UBAP2: variants seen among roughly 807,000 people sequenced by gnomAD.
The protein encoded by UBAP2 is ubiquitin-associated protein 2.
In UBAP2, 75 loss-of-function variants were observed where a neutral mutation model predicts 139.6. The ratio of observed to expected loss-of-function variants is 0.54; its 90% confidence interval spans 0.45 to 0.65. The LOEUF (loss-of-function observed/expected upper bound fraction) is 0.65, where lower values mean the gene tolerates loss of function less well. Among genes scored for constraint, UBAP2 ranks in the 30% least tolerant of loss-of-function variants. The pLI, the probability that UBAP2 is intolerant of heterozygous loss-of-function variation, is 0.00. For synonymous variants in UBAP2, 526 were observed against 526.2 expected, an observed-to-expected ratio of 1.00 and a Z score of 0.01; for missense variants, 1,368 against 1,369.6, an observed-to-expected ratio of 1.00 and a Z score of 0.02.
At chr9:34,025,522 G>A (rs1018354018) in intron 1 of UBAP2, among the ~76,000 whole-genome samples, 2 of 152,096 alleles carry the variant, frequency 1.3e-5, no homozygotes, top group Admixed American at 6.6e-5. Context: ...TTTAACACAG[G>A]TAAAGAACTG....
intron 6 of UBAP2, among the ~76,000 whole-genome samples, chr9:33,977,034 TTTTA>T (rs1486409659): frequency 2.8e-5 from 4 of 143,236 alleles, no homozygotes; most frequent in Non-Finnish European, 4.6e-5. Flanking sequence ...AACAGTTGTT[TTTTA>T]TTTATTTTTT....
intron 1 of UBAP2, among the ~76,000 whole-genome samples, chr9:34,036,361 C>T (rs1025133526): frequency 6.6e-6 from 1 of 152,132 alleles, no homozygotes; most frequent in Non-Finnish European, 1.5e-5. Context: ...AGGTGATCTG[C>T]CCGTCTCGGC....
rs900286750 is a variant in UBAP2 at position 33,924,416 on chromosome 9, G to C, written c.2512-132C>G. The stretch of plus-strand genomic sequence containing the variant: ...ATGCCTGAGAGCCAGCAGTCCCAGG[G>C]AACGCCAAGTAAATGGTGCCCCTCG... On this transcript the variant is annotated intron_variant, in intron 22 of 28. Transcript: ENST00000379238. 9 of 858,952 alleles carry C rather than the reference G, an allele frequency of 1.0e-5. No individual in the cohort carries two copies. The African/African-American group carries it at 1.3e-4, about 13-fold the overall frequency. The allele number at this position is 858,952 out of a possible 1,614,324, so 53.2% of individuals were successfully genotyped here. A position where few individuals can be genotyped will look rare whatever the true frequency, so the allele number is the denominator to read the frequency against.
At chr9:33,923,624 T>A in intron 24 of UBAP2, 146 bp from the exon 25 acceptor site, 1 of 1,062,424 alleles carries the variant, frequency 9.4e-7, no homozygotes, top group Non-Finnish European at 1.4e-6. Flanking sequence ...ATGCTGGATC[T>A]AAACACAGCA....
chr9:34,010,616 T>C lies in UBAP2; in HGVS notation c.99+6434A>G, dbSNP rs774623225. Among the ~76,000 whole-genome samples, 113 of 152,164 alleles carry C rather than the reference T, an allele frequency of 7.4e-4. 1 individual carries two copies. Among genetic ancestry groups the C allele is most frequent in the Admixed American group, 4.4e-3 (67 of 15,260 alleles). ...TAGAGCAAAAAGGTAATAGAACATATGGATATTGACTGTACAACTCTCAAC... is the reference window on the plus strand; with the variant it reads ...TAGAGCAAAAAGGTAATAGAACATACGGATATTGACTGTACAACTCTCAAC... On this transcript the variant is annotated intron_variant, in intron 2 of 28. Coordinates refer to ENST00000379238, the MANE Select transcript of UBAP2 (RefSeq NM_001370062.2).
At chr9:33,923,150 C>A in intron 26 of UBAP2, 36 bp downstream of exon 26, 1 of 1,613,186 alleles carries the variant, frequency 6.2e-7, no homozygotes, top group South Asian at 1.1e-5. Flanking sequence ...GCCCACCACT[C>A]CAGGCCTTAT....
chr9:33,968,248 G>A (rs376599549), intron 8 of UBAP2: 4 of 622,216 alleles, frequency 6.4e-6, no homozygotes, highest in Non-Finnish European at 6.2e-6. Flanking sequence ...TAAACAGGAA[G>A]CTGGATGCAA....
intron 5 of UBAP2, 126 bp downstream of exon 5, chr9:33,988,847 A>G: frequency 1.9e-6 from 2 of 1,072,334 alleles, no homozygotes; most frequent in Admixed American, 4.9e-5. Flanking sequence ...ATGGAAACTA[A>G]GAAAAAATTT....
At chr9:33,924,030 C>A in intron 23 of UBAP2, 30 bp from the exon 24 acceptor site, 1 of 1,611,660 alleles carries the variant, frequency 6.2e-7, no homozygotes, top group Non-Finnish European at 8.5e-7. Context: ...CCAGCCACTG[C>A]CCTTCCTCCA....
Position 33,935,634 on chromosome 9 carries a change from G to A in UBAP2, c.1969+205C>T. The A allele has an allele frequency of 4.8e-6, 3 of 625,580 alleles. No individual in the cohort carries two copies. In the South Asian group the frequency reaches 5.6e-5, roughly 12 times the overall value. The allele number at this position is 625,580 out of a possible 1,614,324, so 38.8% of individuals were successfully genotyped here. A position where few individuals can be genotyped will look rare whatever the true frequency, so the allele number is the denominator to read the frequency against. ...CAGTCTGATTAGGGCAGAAGAATAT[G>A]AGACCACCACCTCCTTCTTGCTGTG... On this transcript the variant is annotated intron_variant, in intron 17 of 28. Transcript: ENST00000379238.
intron 1 of UBAP2, among the ~76,000 whole-genome samples, chr9:34,039,405 A>G (rs1826830074): frequency 6.6e-6 from 1 of 152,216 alleles, no homozygotes; most frequent in African/African-American, 2.4e-5. Context: ...GTTTTGTCGA[A>G]TAGAAAAGGG....
chr9:34,045,019 C>CA (rs1358367176), intron 1 of UBAP2, among the ~76,000 whole-genome samples: 1 of 151,792 alleles, frequency 6.6e-6, no homozygotes, highest in African/African-American at 2.4e-5. Flanking sequence ...AATTAGTTAT[C>CA]AAAAAATGGA....
Position 33,923,781 on chromosome 9 carries a change from T to A in UBAP2, c.2796+14A>T. On this transcript the variant is annotated intron_variant, in intron 24 of 28. Transcript: ENST00000379238. ...AAGGCCAGGAGACACAGTCACACCC[T>A]CTGAAATACTCACAAACATGGTGGG... The A allele has an allele frequency of 1.2e-6, 2 of 1,613,464 alleles. No homozygotes were observed. The highest frequency in any genetic ancestry group is 2.2e-5 in the South Asian group (2 of 91,066).
At chr9:33,995,491 T>C (rs1822103298) in intron 4 of UBAP2, 1 of 134,920 alleles carries the variant, frequency 7.4e-6, no homozygotes, top group African/African-American at 2.9e-5. Flanking sequence ...ATTTATATTA[T>C]TAAATATATA....
At position 33,963,779 on chromosome 9, in the gene UBAP2, T is replaced by C. The variant is rs756973207; in HGVS notation, c.692A>G (p.Asn231Ser). 7 of 1,612,402 alleles carry C rather than the reference T, an allele frequency of 4.3e-6. No homozygotes were observed. In the Admixed American group the frequency reaches 8.3e-5, roughly 19 times the overall value. ...CAGATCCTGAGCTATGTTGTGAGTA[T>C]TTGATGCCAGTTCTGTGGACCAATG... Reference protein sequence around the residue: ...GADEGTELASNTHNIAQDLSN... With the variant: ...GADEGTELASSTHNIAQDLSN... Residue 231 changes from asparagine to serine, a missense_variant, in exon 9 of 29, where the codon AAT (asparagine) becomes AGT (serine). Physicochemically the swap from Asn to Ser is conservative, Grantham distance 46. Coordinates refer to ENST00000379238, the MANE Select transcript of UBAP2 (RefSeq NM_001370062.2).
rs307693 is a variant in UBAP2, at chr9:33,926,451, G to A, written c.2511+166C>T. ...TACTCTGTGCTAAAGCTATGGTCACGCCTGGCACAACCGCCAGATGAAAAC... is the reference window on the plus strand; with the variant it reads ...TACTCTGTGCTAAAGCTATGGTCACACCTGGCACAACCGCCAGATGAAAAC... On this transcript the variant is annotated intron_variant, in intron 22 of 28. Coordinates refer to ENST00000379238, the MANE Select transcript of UBAP2 (RefSeq NM_001370062.2). Among the ~76,000 whole-genome samples, 4,673 of 152,212 alleles carry A rather than the reference G, an allele frequency of 0.031. 154 individuals carry two copies. The highest frequency in any genetic ancestry group is 0.089 in the East Asian group (461 of 5,176).
In UBAP2 at chr9:33,921,824, A is replaced by G. The variant is rs1012202004; in HGVS notation, c.*680T>C. ...ACCTTAGATTTTTAAAGGGGAGCTG[A>G]CTGGCTGAATAACTCAGATTATTTT... On this transcript the variant is annotated 3_prime_UTR_variant, in exon 29 of 29. Transcript: ENST00000379238. The G allele has an allele frequency of 2.6e-5, 4 of 152,136 alleles. No homozygotes were observed. Among genetic ancestry groups the G allele is most frequent in the Non-Finnish European group, 5.9e-5 (4 of 67,980 alleles). The allele number at this position is 152,136 out of a possible 1,614,324, so 9.4% of individuals were successfully genotyped here. A position where few individuals can be genotyped will look rare whatever the true frequency, so the allele number is the denominator to read the frequency against.
At chr9:34,038,973 C>A (rs1826750951) in intron 1 of UBAP2, among the ~76,000 whole-genome samples, 1 of 151,048 alleles carries the variant, frequency 6.6e-6, no homozygotes, top group Non-Finnish European at 1.5e-5. Context: ...CCGACCGCGA[C>A]CCCGTCTGGG....
intron 1 of UBAP2, among the ~76,000 whole-genome samples, chr9:34,037,757 G>T (rs1347967190): frequency 2.0e-5 from 3 of 152,002 alleles, no homozygotes; most frequent in African/African-American, 7.2e-5. Flanking sequence ...GTGTACTTCA[G>T]TCACAATATG....
Sources: allele counts gnomAD v4.1 joint callset (sites outside exome capture counted in the v4.1 genomes callset), GRCh38; gene constraint gnomAD v4.1.1; transcripts MANE v1.5; gene names NCBI Gene and HGNC (gene_info 2026-07-23, HGNC 2026-07-21).